Variants in AP4E1 observed in about 807,000 individuals in gnomAD.
AP4E1 encodes the protein AP-4 complex subunit epsilon-1.
Under a neutral mutation model 128.2 loss-of-function variants are expected in AP4E1, and 56 were observed. The observed-to-expected ratio is 0.44, with a 90% CI of 0.35 to 0.55. AP4E1 has a LOEUF of 0.55. AP4E1 is among the 20% of genes least tolerant of loss of function. AP4E1 has a pLI of 0.00. For missense variants in AP4E1, 1,324 were observed against 1,307.7 expected (o/e 1.01, Z -0.19); for synonymous variants, 484 against 473.1 (o/e 1.02, Z -0.30).
chr15:50,941,707 C>G lies in AP4E1; in HGVS notation c.1108C>G (p.Leu370Val), dbSNP rs1277407918. 3.1e-6 allele frequency: 5 copies of G among 1,613,648 alleles called. No individual in the cohort carries two copies. The highest frequency in any genetic ancestry group is 2.2e-5 in the East Asian group (1 of 44,860). ...CTATGTTATCCAACAGGATCCTACT[C>G]TGGCTCTTCAACACCAGATGACAAT... ...LTYVIQQDPTLALQHQMTIIE... is the reference protein window; with the variant it reads ...LTYVIQQDPTVALQHQMTIIE... The change falls in exon 10 of 21, where the codon CTG becomes GTG. Residue 370 changes from leucine (L) to valine (V), a missense_variant. Coordinates refer to ENST00000261842, the MANE Select transcript of AP4E1 (RefSeq NM_007347.5).
chr15:50,910,825 T>C (rs1352764083), intron 1 of AP4E1, among the ~76,000 whole-genome samples: 1 of 152,190 alleles, frequency 6.6e-6, no homozygotes, highest in Non-Finnish European at 1.5e-5. Flanking sequence ...CCGGCTAATT[T>C]TTATATTTTT....
intron 17 of AP4E1, among the ~76,000 whole-genome samples, chr15:50,996,322 C>A (rs1337734743): frequency 6.6e-6 from 1 of 151,738 alleles, no homozygotes; most frequent in Non-Finnish European, 1.5e-5. Flanking sequence ...ACCTTGAGTC[C>A]CATTACTACT....
At chr15:50,999,716 T>C (rs2064933006) in intron 19 of AP4E1, among the ~76,000 whole-genome samples, 1 of 152,146 alleles carries the variant, frequency 6.6e-6, no homozygotes, top group Admixed American at 6.5e-5. Flanking sequence ...TTTTTTATTA[T>C]TATACTTTAA....
intron 13 of AP4E1, among the ~76,000 whole-genome samples, chr15:50,955,485 A>G (rs1382141146): frequency 1.3e-5 from 2 of 152,054 alleles, no homozygotes; most frequent in Non-Finnish European, 2.9e-5. Context: ...GTCTGTTGTG[A>G]TGGTGTTGTT....
chr15:50,985,494 G>A (rs1332867230), intron 16 of AP4E1, among the ~76,000 whole-genome samples: 1 of 152,150 alleles, frequency 6.6e-6, no homozygotes, highest in Non-Finnish European at 1.5e-5. Context: ...TGTATAAGGT[G>A]TAAGGAAGGG....
chr15:50,937,670 G>A (rs1467079355), intron 8 of AP4E1, among the ~76,000 whole-genome samples: 2 of 152,318 alleles, frequency 1.3e-5, no homozygotes, highest in South Asian at 2.1e-4. Context: ...ATTTACTGAT[G>A]TGATAGGACC....
chr15:50,949,197 G>A (rs767657361), intron 11 of AP4E1, among the ~76,000 whole-genome samples: 12 of 151,432 alleles, frequency 7.9e-5, no homozygotes, highest in Non-Finnish European at 1.3e-4. Flanking sequence ...GATTGCCTGA[G>A]CTCAGGAGTT....
intron 13 of AP4E1, among the ~76,000 whole-genome samples, chr15:50,953,446 T>A (rs868816027): frequency 1.1e-4 from 17 of 152,370 alleles, no homozygotes; most frequent in Middle Eastern, 3.4e-3. Context: ...TTTTAAATTA[T>A]GTGCTGTCCT....
At chr15:50,996,370 G>A (rs148139229) in intron 17 of AP4E1, among the ~76,000 whole-genome samples, 225 of 151,812 alleles carry the variant, frequency 1.5e-3, no homozygotes, top group African/African-American at 5.1e-3. Flanking sequence ...AGTAACTATC[G>A]AAAATAACTA....
chr15:50,961,622 A>C, intron 14 of AP4E1, among the ~76,000 whole-genome samples: 1 of 152,014 alleles, frequency 6.6e-6, no homozygotes, highest in Non-Finnish European at 1.5e-5. Context: ...TAAAGCCCAT[A>C]TATGACAAAC....
chr15:50,975,964 GAGAGAGAGAGAGAGAGAA>G lies in AP4E1; in HGVS notation c.1966+7600_1966+7617del, dbSNP rs2064544676. 2.0e-5 allele frequency among the ~76,000 whole-genome samples: 3 copies of G among 152,150 alleles called. No homozygotes were observed. The South Asian group carries it at 6.2e-4, about 32-fold the overall frequency. ...CATCTCTACAAAAGGGACAGAGAGA[GAGAGAGAGAGAGAGAGAA>G]AGAGAGAGAGAGTTCTTTTCAACCT... On this transcript the variant is annotated intron_variant, in intron 15 of 20. Coordinates refer to ENST00000261842, the MANE Select transcript of AP4E1 (RefSeq NM_007347.5).
Position 51,002,695 on chromosome 15 carries a change from T to A in AP4E1, c.*33T>A, listed in dbSNP as rs775309902. ...CCTGCTAAATTTTACTCCATCAAGATCAATGGTTTACATAGATAAACTTAT... is the reference window on the plus strand; with the variant it reads ...CCTGCTAAATTTTACTCCATCAAGAACAATGGTTTACATAGATAAACTTAT... On this transcript the variant is annotated 3_prime_UTR_variant, in exon 21 of 21. Coordinates refer to ENST00000261842, the MANE Select transcript of AP4E1 (RefSeq NM_007347.5). The A allele has an allele frequency of 1.2e-5, 19 of 1,612,992 alleles. 1 individual carries two copies. In the South Asian group the frequency reaches 1.5e-4, roughly 13 times the overall value.
At chr15:50,948,228 A>G in intron 11 of AP4E1, 69 bp downstream of exon 11, 3 of 1,573,694 alleles carry the variant, frequency 1.9e-6, no homozygotes, top group African/African-American at 1.3e-5. Flanking sequence ...TGATTGGTAT[A>G]GATATGGTCA....
chr15:50,953,185 C>T (rs867844859), intron 13 of AP4E1, among the ~76,000 whole-genome samples: 31 of 152,346 alleles, frequency 2.0e-4, no homozygotes, highest in Middle Eastern at 3.4e-3. Context: ...CAGCTATCTT[C>T]AATGGCTTTA....
At chr15:50,963,831 A>G (rs1476321703) in intron 14 of AP4E1, among the ~76,000 whole-genome samples, 1 of 152,268 alleles carries the variant, frequency 6.6e-6, no homozygotes, top group Non-Finnish European at 1.5e-5. Context: ...CCAGATATGT[A>G]TGTCTTTTAA....
chr15:50,962,526 G>A lies in AP4E1; in HGVS notation c.1851+3732G>A, dbSNP rs114178160. Among the ~76,000 whole-genome samples, 331 of 152,072 alleles carry A rather than the reference G, an allele frequency of 2.2e-3. 3 individuals are homozygous for A. The highest frequency in any genetic ancestry group is 7.7e-3 in the African/African-American group (321 of 41,516). On this transcript the variant is annotated intron_variant, in intron 14 of 20. Coordinates refer to ENST00000261842, the MANE Select transcript of AP4E1 (RefSeq NM_007347.5). ...GAAATGACACCCTCTTCAATAAATA[G>A]TGTTGAAAAGCCTTGATATCAGCAT...
chr15:50,988,346 C>T (rs1319291317), intron 16 of AP4E1, among the ~76,000 whole-genome samples: 14 of 152,112 alleles, frequency 9.2e-5, no homozygotes, highest in Non-Finnish European at 2.9e-5. Context: ...CACAATTTCA[C>T]TCTTATTGCC....
intron 15 of AP4E1, among the ~76,000 whole-genome samples, chr15:50,983,455 TAGAA>T (rs1170428410): frequency 6.6e-6 from 1 of 152,130 alleles, no homozygotes. Flanking sequence ...GTTTATTACA[TAGAA>T]AGAAAGGGAG....
chr15:50,928,555 T>C (rs772145099), intron 5 of AP4E1, among the ~76,000 whole-genome samples: 1 of 152,168 alleles, frequency 6.6e-6, no homozygotes, highest in African/African-American at 2.4e-5. Flanking sequence ...CCCAAAGTGC[T>C]GGGATTACAG....
Sources: allele counts gnomAD v4.1 joint callset (sites outside exome capture counted in the v4.1 genomes callset), GRCh38; gene constraint gnomAD v4.1.1; transcripts MANE v1.5; gene names NCBI Gene and HGNC (gene_info 2026-07-23, HGNC 2026-07-21).